Variants in ME3 observed in about 807,000 individuals in gnomAD.
The protein encoded by ME3 is malic enzyme 3, also known as NADP-dependent malic enzyme, mitochondrial.
A neutral mutation model predicts 68.9 loss-of-function variants in ME3; 48 were observed. The observed-to-expected ratio is 0.70, with a 90% CI of 0.55 to 0.89. The LOEUF is 0.89. ME3 is among the 40% of genes least tolerant of loss of function. ME3 has a pLI of 0.00. For synonymous variants in ME3, 320 were observed against 318.8 expected, an observed-to-expected ratio of 1.00 and a Z score of -0.04; for missense variants, 675 against 797.4, an observed-to-expected ratio of 0.85 and a Z score of 1.85.
chr11:86,450,180 C>A, intron 9 of ME3, 121 bp downstream of exon 9: 1 of 1,059,398 alleles, frequency 9.4e-7, no homozygotes, highest in South Asian at 1.5e-5. Context: ...CTGCAATGAT[C>A]ACAATATGTC....
At chr11:86,613,856 G>T (rs1237108717) in intron 2 of ME3, among the ~76,000 whole-genome samples, 1 of 152,086 alleles carries the variant, frequency 6.6e-6, no homozygotes, top group Non-Finnish European at 1.5e-5. Flanking sequence ...ATCCTCATGG[G>T]TAGGAAGAAT....
intron 2 of ME3, among the ~76,000 whole-genome samples, chr11:86,596,667 TAGG>T (rs1959511493): frequency 6.6e-6 from 1 of 152,232 alleles, no homozygotes; most frequent in Non-Finnish European, 1.5e-5. Context: ...AAGGATCACC[TAGG>T]CTACCTCTTT....
intron 7 of ME3, among the ~76,000 whole-genome samples, chr11:86,486,842 G>T (rs1172248274): frequency 6.6e-6 from 1 of 152,216 alleles, no homozygotes; most frequent in East Asian, 1.9e-4. Flanking sequence ...CCAGTGAAGA[G>T]ATGACACCTC....
At chr11:86,603,480 A>C (rs946647271) in intron 2 of ME3, among the ~76,000 whole-genome samples, 1 of 152,202 alleles carries the variant, frequency 6.6e-6, no homozygotes, top group Non-Finnish European at 1.5e-5. Context: ...GAGAAATAGG[A>C]ACACTTTTAC....
chr11:86,625,757 C>A (rs1049141096), intron 2 of ME3, among the ~76,000 whole-genome samples: 2 of 152,120 alleles, frequency 1.3e-5, no homozygotes, highest in African/African-American at 2.4e-5. Flanking sequence ...AATTAAGAGG[C>A]TCTGTAGTAT....
chr11:86,469,519 C>T (rs918261863), intron 7 of ME3, among the ~76,000 whole-genome samples: 7 of 152,168 alleles, frequency 4.6e-5, no homozygotes, highest in African/African-American at 7.2e-5. Flanking sequence ...GGCAGCTTCC[C>T]GATTCTAGTG....
chr11:86,483,586 C>T (rs1293345184), intron 7 of ME3, among the ~76,000 whole-genome samples: 1 of 151,008 alleles, frequency 6.6e-6, no homozygotes, highest in Non-Finnish European at 1.5e-5. Context: ...AATGGAGAGA[C>T]TAAAAAAAAA....
chr11:86,648,086 A>C (rs7938344), intron 2 of ME3, among the ~76,000 whole-genome samples: 30,600 of 152,166 alleles, frequency 0.2, 3,931 homozygotes, highest in East Asian at 0.56. Flanking sequence ...ATCAAATTAG[A>C]ATTTAGGATT....
intron 4 of ME3, among the ~76,000 whole-genome samples, chr11:86,543,935 T>C (rs367998165): frequency 0.021 from 2,818 of 131,742 alleles, 33 homozygotes; most frequent in African/African-American, 0.027. Context: ...TGCAAAAGAA[T>C]GGAAATCATA....
intron 2 of ME3, among the ~76,000 whole-genome samples, chr11:86,586,546 A>G (rs1031822660): frequency 4.6e-5 from 7 of 152,314 alleles, no homozygotes; most frequent in African/African-American, 1.2e-4. Flanking sequence ...GAAGTCACCC[A>G]GGGTTATGGC....
chr11:86,530,354 C>CA (rs1053682514), intron 4 of ME3, among the ~76,000 whole-genome samples: 1 of 151,888 alleles, frequency 6.6e-6, no homozygotes, highest in East Asian at 1.9e-4. Flanking sequence ...AAAGAGGATA[C>CA]AAAAAAATGG....
At chr11:86,526,590 C>T (rs1385960288) in intron 4 of ME3, among the ~76,000 whole-genome samples, 1 of 152,182 alleles carries the variant, frequency 6.6e-6, no homozygotes, top group African/African-American at 2.4e-5. Flanking sequence ...CCCTGACCCC[C>T]AAATAGCCTA....
chr11:86,609,364 T>C (rs534305920), intron 2 of ME3, among the ~76,000 whole-genome samples: 8 of 152,294 alleles, frequency 5.3e-5, no homozygotes, highest in African/African-American at 1.9e-4. Flanking sequence ...TGATTCTGAC[T>C]ACATGTGTCC....
chr11:86,644,594 T>C (rs568010687), intron 2 of ME3, among the ~76,000 whole-genome samples: 1 of 152,344 alleles, frequency 6.6e-6, no homozygotes, highest in East Asian at 1.9e-4. Context: ...ATATAAGCTG[T>C]TCCCTCTGCC....
At chr11:86,602,867 T>TAA (rs1469170437) in intron 2 of ME3, among the ~76,000 whole-genome samples, 1 of 152,188 alleles carries the variant, frequency 6.6e-6, no homozygotes, top group Non-Finnish European at 1.5e-5. Flanking sequence ...CCCTATTTAA[T>TAA]AAATGGTGCT....
At chr11:86,554,892 A>G (rs1018550308) in intron 4 of ME3, among the ~76,000 whole-genome samples, 3 of 152,218 alleles carry the variant, frequency 2.0e-5, no homozygotes, top group African/African-American at 7.2e-5. Flanking sequence ...TTATATACAA[A>G]CAACTAAAAA....
intron 2 of ME3, among the ~76,000 whole-genome samples, chr11:86,574,669 T>C (rs1957995224): frequency 6.6e-6 from 1 of 152,172 alleles, no homozygotes; most frequent in Non-Finnish European, 1.5e-5. Flanking sequence ...AGTTCCTATG[T>C]GACATATGAC....
chr11:86,457,745 TGTG>T (rs1195335656), intron 8 of ME3: 32 of 1,286,278 alleles, frequency 2.5e-5, no homozygotes, highest in Admixed American at 6.9e-5. Flanking sequence ...CAGCTGAAAG[TGTG>T]GCAGGTTGTT....
At chr11:86,488,042 T>G (rs1951798508) in intron 6 of ME3, among the ~76,000 whole-genome samples, 1 of 152,164 alleles carries the variant, frequency 6.6e-6, no homozygotes, top group South Asian at 2.1e-4. Flanking sequence ...TAGCTGGGCA[T>G]GGTGGTGTAT....
Sources: gnomAD v4.1 joint callset for allele counts (sites outside exome capture counted in the v4.1 genomes callset) on GRCh38, gnomAD v4.1.1 for gene constraint, MANE v1.5 for transcripts, NCBI Gene and HGNC (gene_info 2026-07-23, HGNC 2026-07-21) for gene names.